Variants in ERICH1 observed in about 807,000 individuals in gnomAD.
The protein encoded by ERICH1 is glutamate rich 1.
Under a neutral mutation model 39.6 loss-of-function variants are expected in ERICH1, and 56 were observed. That is an observed-to-expected ratio of 1.41 (90% confidence interval 1.14 to 1.77). The LOEUF (loss-of-function observed/expected upper bound fraction) is 1.77, where lower values mean the gene tolerates loss of function less well. Among genes scored for constraint, ERICH1 ranks in the 40% most tolerant of loss-of-function variants. The pLI, the probability that ERICH1 is intolerant of heterozygous loss-of-function variation, is 0.00. For missense variants in ERICH1, 826 were observed against 575.4 expected (o/e 1.44, Z -4.45); for synonymous variants, 313 against 223.6 (o/e 1.40, Z -3.57).
chr8:730,990 G>C, intron 1 of ERICH1, 150 bp downstream of exon 1: 1 of 917,298 alleles, frequency 1.1e-6, no homozygotes, highest in Non-Finnish European at 1.5e-6. Flanking sequence ...AGCGGGGGAT[G>C]GGTAGGGACT....
intron 1 of ERICH1, among the ~76,000 whole-genome samples, chr8:726,986 TACACAC>T (rs1275662094): frequency 8.2e-6 from 1 of 121,658 alleles, no homozygotes; most frequent in Non-Finnish European, 1.6e-5. Flanking sequence ...CACATACACA[TACACAC>T]ACGCACACCA....
At chr8:666,307 C>G (rs993406490) in intron 5 of ERICH1, 6 of 152,272 alleles carry the variant, frequency 3.9e-5, no homozygotes, top group African/African-American at 1.4e-4. Flanking sequence ...AAGTTAAAAT[C>G]GCTTACTTTC....
At chr8:621,089 CTTAAA>C (rs1424330293) in intron 3 of ERICH1, among the ~76,000 whole-genome samples, 4 of 152,040 alleles carry the variant, frequency 2.6e-5, no homozygotes, top group African/African-American at 9.6e-5. Flanking sequence ...GCACAATAGA[CTTAAA>C]TTAAAAATCA....
intron 3 of ERICH1, chr8:615,447 G>C: frequency 8.2e-6 from 4 of 488,884 alleles, no homozygotes; most frequent in Non-Finnish European, 1.4e-5. Context: ...CAAAGCAATG[G>C]TCACAATAGT....
chr8:712,091 TTTTG>T (rs745457102), intron 2 of ERICH1, among the ~76,000 whole-genome samples: 9 of 152,196 alleles, frequency 5.9e-5, no homozygotes, highest in Non-Finnish European at 1.2e-4. Context: ...CAGTCCTTTA[TTTTG>T]TTTTTCTCCT....
At chr8:662,164 G>A (rs1451585054), downstream of ERICH1, among the ~76,000 whole-genome samples, 2 of 151,984 alleles carry the variant, frequency 1.3e-5, no homozygotes, top group African/African-American at 4.8e-5. Context: ...CAAGGGCAGG[G>A]ATTCTGTGCA....
intron 2 of ERICH1, among the ~76,000 whole-genome samples, chr8:715,213 T>C (rs1334309925): frequency 2.1e-5 from 3 of 142,648 alleles, no homozygotes; most frequent in East Asian, 4.3e-4. Context: ...TGGTCTCTTC[T>C]CGTGTCTCTC....
chr8:709,679 T>C (rs1192997743), intron 2 of ERICH1, among the ~76,000 whole-genome samples: 1 of 152,192 alleles, frequency 6.6e-6, no homozygotes, highest in Non-Finnish European at 1.5e-5. Context: ...CACCAAAAAC[T>C]TCAAAGGCCA....
chr8:615,843 A>G (rs1796875269), intron 3 of ERICH1: 2 of 152,338 alleles, frequency 1.3e-5, no homozygotes, highest in African/African-American at 4.8e-5. Context: ...ACTTGTTACA[A>G]ATTTACAACC....
At chr8:716,647 GAATA>G (rs1355234450) in intron 1 of ERICH1, among the ~76,000 whole-genome samples, 2 of 152,230 alleles carry the variant, frequency 1.3e-5, no homozygotes, top group African/African-American at 4.8e-5. Context: ...CGGTCATAAT[GAATA>G]AATATTTCTG....
chr8:639,532 A>C (rs917790608), intron 3 of ERICH1, among the ~76,000 whole-genome samples: 1 of 152,204 alleles, frequency 6.6e-6, no homozygotes, highest in African/African-American at 2.4e-5. Context: ...TCCAGTTAGC[A>C]GACACGACCG....
At position 655,491 on chromosome 8, in the gene ERICH1, A is replaced by C. The variant is rs550673865; in HGVS notation, c.976+13107T>G. Among the ~76,000 whole-genome samples, 6 of 152,322 alleles carry C rather than the reference A, an allele frequency of 3.9e-5. No individual in the cohort carries two copies. The South Asian group carries it at 1.2e-3, about 32-fold the overall frequency. ...GTGTTCTGGACGATGGTGCACCAGCACCTGCCCTTGCAGGAGCTCCTCTTT... is the reference window on the plus strand; with the variant it reads ...GTGTTCTGGACGATGGTGCACCAGCCCCTGCCCTTGCAGGAGCTCCTCTTT... On this transcript the variant is annotated intron_variant, in intron 3 of 3. Coordinates refer to the ERICH1 transcript ENST00000522706.
chr8:619,264 G>A (rs965953761), intron 3 of ERICH1, among the ~76,000 whole-genome samples: 22 of 152,130 alleles, frequency 1.4e-4, no homozygotes, highest in African/African-American at 3.6e-4. Context: ...GACCCATCGC[G>A]CACAAGGAGG....
At chr8:667,932 G>A (rs964420104) in intron 5 of ERICH1, 3 of 153,890 alleles carry the variant, frequency 1.9e-5, no homozygotes, top group Non-Finnish European at 4.3e-5. Flanking sequence ...TCTGGGATAG[G>A]TGCCACTGAC....
intron 1 of ERICH1, among the ~76,000 whole-genome samples, chr8:729,723 G>T (rs866172667): frequency 2.0e-5 from 3 of 151,542 alleles, no homozygotes; most frequent in Non-Finnish European, 4.4e-5. Context: ...ATATCCAATA[G>T]GAAAAAAAGG....
intron 3 of ERICH1, among the ~76,000 whole-genome samples, chr8:689,789 G>GT (rs1808496351): frequency 6.6e-6 from 1 of 152,194 alleles, no homozygotes. Flanking sequence ...GAAGACGGAC[G>GT]TAAGCGGTAT....
intron 3 of ERICH1, among the ~76,000 whole-genome samples, chr8:624,986 A>G (rs1360370789): frequency 6.6e-6 from 1 of 152,152 alleles, no homozygotes; most frequent in Admixed American, 6.5e-5. Context: ...TCGGCCACCC[A>G]AAGTCCTGGG....
At position 672,727 on chromosome 8, in the gene ERICH1, C is replaced by T. The variant is rs1343722000; in HGVS notation, c.1063+562G>A. On this transcript the variant is annotated intron_variant, in intron 4 of 5. Coordinates refer to ENST00000262109, the MANE Select transcript of ERICH1 (RefSeq NM_207332.3). ...AGATGTAAGCAAGTGCCATCTGTGA[C>T]ATTAAACCTATGTTTATTTTCCTTA... Among the ~76,000 whole-genome samples, 15 of 152,360 alleles carry T rather than the reference C, an allele frequency of 9.8e-5. No individual in the cohort carries two copies. In the East Asian group the frequency reaches 2.1e-3, roughly 22 times the overall value.
At position 629,820 on chromosome 8, in the gene ERICH1, CACAG is replaced by C. The variant is rs147456793; in HGVS notation, c.977-14540_977-14537del. ...ACTCACACCCTCCTGTGAGCACCCA[CACAG>C]ACAAAGCTGACACACACCCTCCCGT... On this transcript the variant is annotated intron_variant, in intron 3 of 3. Transcript: ENST00000522706. Among the ~76,000 whole-genome samples, 40 of 141,464 alleles carry C rather than the reference CACAG, an allele frequency of 2.8e-4. No individual in the cohort carries two copies. The East Asian group carries it at 5.5e-3, about 19-fold the overall frequency. The allele number at this position is 141,464 out of a possible 152,430, so 92.8% of individuals were successfully genotyped here.
Sources: allele counts gnomAD v4.1 joint callset (sites outside exome capture counted in the v4.1 genomes callset), GRCh38; gene constraint gnomAD v4.1.1; transcripts MANE v1.5; gene names NCBI Gene and HGNC (gene_info 2026-07-23, HGNC 2026-07-21).